The following ROBO2 variants were observed in gnomAD, a reference collection of about 807,000 sequenced individuals.
ROBO2 encodes roundabout homolog 2.
In ROBO2, 53 loss-of-function variants were observed where a neutral mutation model predicts 160.8. That is an observed-to-expected ratio of 0.33 (90% confidence interval 0.26 to 0.41). The LOEUF is 0.41. Among genes scored for constraint, ROBO2 ranks in the 10% least tolerant of loss-of-function variants. ROBO2 has a pLI of 1.00. For synonymous variants in ROBO2, 664 were observed against 611.7 expected (o/e 1.09, Z -1.26); for missense variants, 1,577 against 1,722.4 (o/e 0.92, Z 1.49).
intron 2 of ROBO2, among the ~76,000 whole-genome samples, chr3:77,222,775 A>T (rs1023159825): frequency 1.3e-5 from 2 of 152,166 alleles, no homozygotes; most frequent in Non-Finnish European, 2.9e-5. Context: ...CATTTGCTTC[A>T]TTTGATATGC....
intron 2 of ROBO2, among the ~76,000 whole-genome samples, chr3:76,791,817 C>A (rs901385756): frequency 2.0e-5 from 3 of 146,878 alleles, no homozygotes; most frequent in African/African-American, 8.0e-5. Flanking sequence ...GTTGAATAGT[C>A]ACACACACAC....
At chr3:77,076,254 T>G (rs535184458) in intron 1 of ROBO2, among the ~76,000 whole-genome samples, 31 of 152,272 alleles carry the variant, frequency 2.0e-4, no homozygotes, top group Admixed American at 3.3e-4. Flanking sequence ...ATTGTCCATT[T>G]TAGTGTGTTA....
At chr3:76,071,720 GA>G (rs531038224) in intron 2 of ROBO2, among the ~76,000 whole-genome samples, 1 of 151,920 alleles carries the variant, frequency 6.6e-6, no homozygotes, top group South Asian at 2.1e-4. Flanking sequence ...AAGAGAATTG[GA>G]AAACACCAGT....
chr3:77,376,992 G>GA (rs2072774320), intron 2 of ROBO2, among the ~76,000 whole-genome samples: 2 of 152,088 alleles, frequency 1.3e-5, no homozygotes, highest in African/African-American at 4.8e-5. Flanking sequence ...TCATTAAGTA[G>GA]AAATTCCTAG....
intron 19 of ROBO2, among the ~76,000 whole-genome samples, chr3:77,598,834 A>T (rs549000267): frequency 6.6e-6 from 1 of 152,274 alleles, no homozygotes; most frequent in East Asian, 1.9e-4. Context: ...TGTCAAAAGG[A>T]ATTCTGTTCC....
intron 2 of ROBO2, among the ~76,000 whole-genome samples, chr3:76,243,749 A>AT (rs1194029451): frequency 6.6e-6 from 1 of 152,120 alleles, no homozygotes; most frequent in African/African-American, 2.4e-5. Context: ...TGCCCTCAAT[A>AT]TTTTTTTATT....
chr3:76,772,597 A>G lies in ROBO2; in HGVS notation c.110-325417A>G, dbSNP rs142221469. 1.2e-3 allele frequency among the ~76,000 whole-genome samples: 183 copies of G among 146,524 alleles called. 1 individual carries two copies. The highest frequency in any genetic ancestry group is 4.2e-3 in the African/African-American group (167 of 39,642). The stretch of plus-strand genomic sequence containing the variant: ...TATACACTAATTTTTATTCAGATTT[A>G]TTTTAAGTTTACTTTGTTATTACTG... On this transcript the variant is annotated intron_variant, in intron 2 of 26. Coordinates refer to the ROBO2 transcript ENST00000487694.
At chr3:77,186,921 A>G (rs1367655522) in intron 2 of ROBO2, among the ~76,000 whole-genome samples, 2 of 152,150 alleles carry the variant, frequency 1.3e-5, no homozygotes, top group East Asian at 3.9e-4. Flanking sequence ...AATATGAACC[A>G]TGTCAATGTC....
chr3:77,221,921 C>T (rs1242326060), intron 2 of ROBO2, among the ~76,000 whole-genome samples: 1 of 145,832 alleles, frequency 6.9e-6, no homozygotes, highest in South Asian at 2.2e-4. Flanking sequence ...GGCACGATCT[C>T]GGCTCACTAC....
rs542502294 is a variant in ROBO2 at position 76,964,291 on chromosome 3, CT to C, written c.110-133719del. Among the ~76,000 whole-genome samples the C allele has an allele frequency of 1.1e-4, 16 of 152,134 alleles. No homozygotes were observed. In the South Asian group the frequency reaches 3.3e-3, roughly 32 times the overall value. ...ATGTTGAGTCTAATTATTTGATCACCTTTTGGGTATCATCTAGTTCTTAATA... is the reference window on the plus strand; with the variant it reads ...ATGTTGAGTCTAATTATTTGATCACCTTTGGGTATCATCTAGTTCTTAATA... On this transcript the variant is annotated intron_variant, in intron 2 of 26. Coordinates refer to the ROBO2 transcript ENST00000487694.
At chr3:76,661,252 TGAACAAGAA>T (rs2091806310) in intron 2 of ROBO2, among the ~76,000 whole-genome samples, 1 of 152,104 alleles carries the variant, frequency 6.6e-6, no homozygotes, top group Admixed American at 6.6e-5. Flanking sequence ...CCAGAAAGAT[TGAACAAGAA>T]ATTTTAAGTG....
At chr3:76,359,694 T>C (rs946338403) in intron 2 of ROBO2, among the ~76,000 whole-genome samples, 2 of 152,086 alleles carry the variant, frequency 1.3e-5, no homozygotes, top group African/African-American at 4.8e-5. Context: ...GATTTTTTTG[T>C]CTTGGTATTC....
chr3:76,637,582 T>C (rs1020852643), intron 2 of ROBO2, among the ~76,000 whole-genome samples: 1 of 152,116 alleles, frequency 6.6e-6, no homozygotes, highest in Non-Finnish European at 1.5e-5. Flanking sequence ...AGTATAGTTT[T>C]TCCCACATGC....
chr3:75,939,490 G>A (rs1360135427), intron 2 of ROBO2, among the ~76,000 whole-genome samples: 1 of 152,094 alleles, frequency 6.6e-6, no homozygotes, highest in South Asian at 2.1e-4. Flanking sequence ...CTGTAGTAAA[G>A]CTTCTAGTGG....
intron 14 of ROBO2, among the ~76,000 whole-genome samples, chr3:77,575,513 A>C (rs972055049): frequency 1.3e-5 from 2 of 152,098 alleles, no homozygotes; most frequent in African/African-American, 4.8e-5. Flanking sequence ...TGCCCACGTT[A>C]ACATCTATGT....
chr3:77,478,025 C>T (rs1442671847), intron 3 of ROBO2, among the ~76,000 whole-genome samples: 1 of 151,786 alleles, frequency 6.6e-6, no homozygotes, highest in African/African-American at 2.4e-5. Flanking sequence ...TGGGGTTTCA[C>T]CATGTTGGCC....
chr3:77,149,034 ATTTTT>A (rs71104654), intron 2 of ROBO2, among the ~76,000 whole-genome samples: 1 of 126,114 alleles, frequency 7.9e-6, no homozygotes, highest in Non-Finnish European at 1.7e-5. Context: ...GACAAAGTAA[ATTTTT>A]TTTTTTTTTT....
At chr3:77,574,785 C>T in intron 14 of ROBO2, 55 bp downstream of exon 15, 1 of 1,272,166 alleles carries the variant, frequency 7.9e-7, no homozygotes, top group Non-Finnish European at 1.1e-6. Flanking sequence ...ATTTCTGTTA[C>T]AGTACCTATT....
chr3:77,618,385 T>C (rs910367564), intron 22 of ROBO2, among the ~76,000 whole-genome samples: 2 of 152,214 alleles, frequency 1.3e-5, no homozygotes, highest in African/African-American at 4.8e-5. Context: ...TCTATAAACT[T>C]TTGTAAACTA....
Sources: allele counts gnomAD v4.1 joint callset (sites outside exome capture counted in the v4.1 genomes callset), GRCh38; gene constraint gnomAD v4.1.1; transcripts MANE v1.5; gene names NCBI Gene and HGNC (gene_info 2026-07-23, HGNC 2026-07-21).